PPP1R9A: variants seen among roughly 807,000 people sequenced by gnomAD.
PPP1R9A encodes the protein neurabin-1.
A neutral mutation model predicts 141.9 loss-of-function variants in PPP1R9A; 59 were observed. The observed-to-expected ratio is 0.42, with a 90% CI of 0.34 to 0.52. The LOEUF (loss-of-function observed/expected upper bound fraction) is 0.52. Ranked by LOEUF, PPP1R9A falls within the 20% of genes least tolerant of loss-of-function variation. PPP1R9A has a pLI of 0.10. For missense variants in PPP1R9A, 1,444 were observed against 1,611.9 expected (o/e 0.90, Z 1.78); for synonymous variants, 500 against 569.7 (o/e 0.88, Z 1.74).
chr7:95,100,636 C>A (rs1401175305), intron 2 of PPP1R9A, among the ~76,000 whole-genome samples: 1 of 152,064 alleles, frequency 6.6e-6, no homozygotes, highest in Admixed American at 6.6e-5. Context: ...ATGATGGATG[C>A]CACTATAAGC....
At chr7:94,949,690 G>T (rs1416141467) in intron 2 of PPP1R9A, among the ~76,000 whole-genome samples, 1 of 151,958 alleles carries the variant, frequency 6.6e-6, no homozygotes, top group Non-Finnish European at 1.5e-5. Context: ...GCTTCCTAAT[G>T]GGGCAGGAAC....
At chr7:94,914,579 A>C (rs1791840283) in intron 2 of PPP1R9A, among the ~76,000 whole-genome samples, 1 of 152,218 alleles carries the variant, frequency 6.6e-6, no homozygotes, top group Non-Finnish European at 1.5e-5. Context: ...TAATAATAGC[A>C]AATTAAAATC....
chr7:95,184,928 G>A (rs906426073), intron 5 of PPP1R9A, among the ~76,000 whole-genome samples: 1 of 151,876 alleles, frequency 6.6e-6, no homozygotes, highest in Non-Finnish European at 1.5e-5. Flanking sequence ...TGCAATAAAC[G>A]TGAGTGTGTG....
chr7:95,295,346 T>C lies in PPP1R9A; in HGVS notation c.*5043T>C, dbSNP rs899251443. On this transcript the variant is annotated 3_prime_UTR_variant, in exon 20 of 20. Coordinates refer to ENST00000433360, the MANE Select transcript of PPP1R9A (RefSeq NM_001166160.2). ...ATTTTGGTAAAATTGATTTATCAGATACTTGGTATTTTAGTAAGAAAATTT... is the reference window on the plus strand; with the variant it reads ...ATTTTGGTAAAATTGATTTATCAGACACTTGGTATTTTAGTAAGAAAATTT... The C allele has an allele frequency of 1.6e-4, 25 of 152,782 alleles. No individual in the cohort carries two copies. Among genetic ancestry groups the C allele is most frequent in the Non-Finnish European group, 3.5e-4 (24 of 68,032 alleles). The allele number at this position is 152,782 out of a possible 1,614,324, so 9.5% of individuals were successfully genotyped here.
rs113218838 is a variant in PPP1R9A at position 95,047,511 on chromosome 7, C to G, written c.1396-63748C>G. On this transcript the variant is annotated intron_variant, in intron 2 of 19. Transcript: ENST00000433360. ...TTCACAGTAAAGAATGTTTCTGATA[C>G]TGCTTTGTTGTAAATATAGTTGAGT... is the stretch of plus-strand genomic sequence containing the variant. 2.4e-4 allele frequency among the ~76,000 whole-genome samples: 36 copies of G among 152,246 alleles called. 2 individuals are homozygous for G. The highest frequency in any genetic ancestry group is 6.5e-4 in the Admixed American group (10 of 15,280).
chr7:95,072,823 T>G (rs1355468878), intron 2 of PPP1R9A, among the ~76,000 whole-genome samples: 1 of 91,438 alleles, frequency 1.1e-5, no homozygotes, highest in East Asian at 3.0e-4. Context: ...ATAATAATTA[T>G]TATATATATA....
chr7:95,277,253 T>G (rs2153065180), intron 16 of PPP1R9A, among the ~76,000 whole-genome samples: 1 of 152,322 alleles, frequency 6.6e-6, no homozygotes, highest in Admixed American at 6.5e-5. Context: ...TTCCTCTCTA[T>G]AAAGAGTTTA....
At chr7:95,160,166 A>G (rs1159119433) in intron 4 of PPP1R9A, among the ~76,000 whole-genome samples, 1 of 152,100 alleles carries the variant, frequency 6.6e-6, no homozygotes, top group Non-Finnish European at 1.5e-5. Context: ...AAACATAAGT[A>G]TGAACACACA....
chr7:95,285,475 G>A (rs1200021483), intron 17 of PPP1R9A, among the ~76,000 whole-genome samples: 1 of 152,192 alleles, frequency 6.6e-6, no homozygotes, highest in Non-Finnish European at 1.5e-5. Flanking sequence ...GTGCAGCTAC[G>A]TAGTCATTGT....
intron 8 of PPP1R9A, among the ~76,000 whole-genome samples, chr7:95,241,809 T>C (rs1337888308): frequency 6.6e-6 from 1 of 152,160 alleles, no homozygotes; most frequent in African/African-American, 2.4e-5. Context: ...TTTATGGAAG[T>C]TTCCACTACC....
At chr7:95,127,010 TCTC>T (rs1165592345) in intron 4 of PPP1R9A, among the ~76,000 whole-genome samples, 1 of 151,992 alleles carries the variant, frequency 6.6e-6, no homozygotes, top group Non-Finnish European at 1.5e-5. Flanking sequence ...TCTTTCCTCT[TCTC>T]CTCATTTTTA....
intron 9 of PPP1R9A, 125 bp from the exon 10 acceptor site, chr7:95,249,901 C>A: frequency 7.8e-7 from 1 of 1,287,922 alleles, no homozygotes; most frequent in Non-Finnish European, 1.0e-6. Flanking sequence ...CTGCTTTTCT[C>A]ATCTCAAGTG....
chr7:95,255,845 A>G (rs893653871), intron 12 of PPP1R9A, among the ~76,000 whole-genome samples: 7 of 152,160 alleles, frequency 4.6e-5, no homozygotes, highest in African/African-American at 1.4e-4. Context: ...CTTTGACTGC[A>G]GAAGGGTTTG....
chr7:94,954,609 A>C (rs1459219367), intron 2 of PPP1R9A, among the ~76,000 whole-genome samples: 1 of 151,756 alleles, frequency 6.6e-6, no homozygotes, highest in Non-Finnish European at 1.5e-5. Context: ...TAAAGATAAC[A>C]GGGAATTTGG....
At chr7:95,211,268 A>G (rs1008768691) in intron 7 of PPP1R9A, among the ~76,000 whole-genome samples, 4 of 152,140 alleles carry the variant, frequency 2.6e-5, no homozygotes, top group African/African-American at 9.7e-5. Context: ...GACCAACAGG[A>G]TTGGAAGGGT....
At position 95,068,696 on chromosome 7, in the gene PPP1R9A, G is replaced by C. The variant is rs191433616; in HGVS notation, c.1396-42563G>C. On this transcript the variant is annotated intron_variant, in intron 2 of 19. Coordinates refer to ENST00000433360, the MANE Select transcript of PPP1R9A (RefSeq NM_001166160.2). ...ATGTCTACCACCCTTCAAAAATTGAGCTTATGCTCTCAGCATCCCTGTGGT... is the reference window on the plus strand; with the variant it reads ...ATGTCTACCACCCTTCAAAAATTGACCTTATGCTCTCAGCATCCCTGTGGT... 2.6e-3 allele frequency among the ~76,000 whole-genome samples: 385 copies of C among 150,820 alleles called. 2 individuals are homozygous for C. The highest frequency in any genetic ancestry group is 4.2e-3 in the Non-Finnish European group (286 of 67,946).
intron 2 of PPP1R9A, among the ~76,000 whole-genome samples, chr7:94,982,222 C>G (rs1285247395): frequency 2.0e-5 from 3 of 152,100 alleles, no homozygotes; most frequent in Admixed American, 2.0e-4. Flanking sequence ...TCCAGTCTAT[C>G]ATTGATGGAC....
At chr7:95,275,585 T>A (rs1218819582) in intron 16 of PPP1R9A, among the ~76,000 whole-genome samples, 1 of 152,194 alleles carries the variant, frequency 6.6e-6, no homozygotes, top group African/African-American at 2.4e-5. Flanking sequence ...CACCTTCAGT[T>A]ACTTATGCAT....
At chr7:95,265,932 C>T (rs942654022) in intron 12 of PPP1R9A, among the ~76,000 whole-genome samples, 3 of 152,038 alleles carry the variant, frequency 2.0e-5, no homozygotes, top group African/African-American at 7.2e-5. Flanking sequence ...CAGTTTGCAC[C>T]TAGTCAGCTA....
Sources: gnomAD v4.1 joint callset for allele counts (sites outside exome capture counted in the v4.1 genomes callset) on GRCh38, gnomAD v4.1.1 for gene constraint, MANE v1.5 for transcripts, NCBI Gene and HGNC (gene_info 2026-07-23, HGNC 2026-07-21) for gene names.